The following SH2D1B variants were observed in gnomAD, a reference collection of about 807,000 sequenced individuals.
SH2D1B encodes SH2 domain containing 1B.
SH2D1B carries 11 observed loss-of-function variants against 16.3 expected under a neutral mutation model. The ratio of observed to expected loss-of-function variants is 0.67; its 90% CI spans 0.42 to 1.11. The LOEUF (loss-of-function observed/expected upper bound fraction) is 1.11, where lower values mean the gene tolerates loss of function less well. Among genes scored for constraint, SH2D1B ranks in the 50% most tolerant of loss-of-function variants. The pLI is 0.00. For synonymous variants in SH2D1B, 55 were observed against 56.1 expected, an observed-to-expected ratio of 0.98 and a Z score of 0.09; for missense variants, 123 against 153.1, an observed-to-expected ratio of 0.80 and a Z score of 1.04.
intron 1 of SH2D1B, among the ~76,000 whole-genome samples, 177 bp downstream of exon 1, chr1:162,411,706 A>G (rs141998507): frequency 2.0e-5 from 3 of 152,262 alleles, no homozygotes; most frequent in African/African-American, 7.2e-5. Flanking sequence ...GAGCAGGCAG[A>G]TGGAGGAGCA....
At chr1:162,401,505 G>T (rs1648517100) in intron 2 of SH2D1B, among the ~76,000 whole-genome samples, 1 of 151,848 alleles carries the variant, frequency 6.6e-6, no homozygotes, top group Non-Finnish European at 1.5e-5. Context: ...CATATATTGT[G>T]CATGTATATA....
intron 1 of SH2D1B, among the ~76,000 whole-genome samples, chr1:162,407,056 T>G (rs1003025025): frequency 6.6e-6 from 1 of 152,244 alleles, no homozygotes; most frequent in Non-Finnish European, 1.5e-5. Flanking sequence ...CATATGCTGC[T>G]AGGTCAGCTC....
At chr1:162,398,282 T>G (rs1648427581) in intron 3 of SH2D1B, among the ~76,000 whole-genome samples, 1 of 152,188 alleles carries the variant, frequency 6.6e-6, no homozygotes, top group Non-Finnish European at 1.5e-5. Flanking sequence ...AAAACAGGAT[T>G]AAGACCTAAG....
chr1:162,403,126 A>G (rs1323823672), intron 1 of SH2D1B, among the ~76,000 whole-genome samples: 1 of 152,124 alleles, frequency 6.6e-6, no homozygotes, highest in Non-Finnish European at 1.5e-5. Flanking sequence ...AAACCCTTGT[A>G]CAATGCTGAT....
chr1:162,398,725 G>T (rs1033108387), intron 3 of SH2D1B, among the ~76,000 whole-genome samples, 198 bp downstream of exon 3: 1 of 152,164 alleles, frequency 6.6e-6, no homozygotes, highest in Non-Finnish European at 1.5e-5. Flanking sequence ...GGCTGCAAAC[G>T]CAGCAAGCTC....
At chr1:162,409,363 A>G (rs996096418) in intron 1 of SH2D1B, among the ~76,000 whole-genome samples, 2 of 152,124 alleles carry the variant, frequency 1.3e-5, no homozygotes, top group African/African-American at 4.8e-5. Flanking sequence ...CTGCTCAGAA[A>G]CCATCCATGT....
At chr1:162,411,408 G>A (rs1261787668) in intron 1 of SH2D1B, among the ~76,000 whole-genome samples, 1 of 152,192 alleles carries the variant, frequency 6.6e-6, no homozygotes, top group Non-Finnish European at 1.5e-5. Context: ...AGGAAATGAC[G>A]AATATTGAAG....
At position 162,402,746 on chromosome 1, in the gene SH2D1B, C is replaced by T; in HGVS notation, c.191G>A (p.Arg64Lys). 4 of 1,613,406 alleles carry T rather than the reference C, an allele frequency of 2.5e-6. No homozygotes were observed. The highest frequency in any genetic ancestry group is 1.7e-5 in the Admixed American group (1 of 60,002). ...RIFREKHGYYRIQTAEGSPKQ... is the reference protein window; with the variant it reads ...RIFREKHGYYKIQTAEGSPKQ... ...CGTCCTTTTTGTTCTTACCTGTATC[C>T]TGTAATACCCGTGTTTCTCTCTGAA... The change falls in exon 2 of 4, where the codon AGG becomes AAG. Residue 64 changes from arginine (R) to lysine (K), a missense_variant. Physicochemically the swap from Arg to Lys is conservative, Grantham distance 26 (BLOSUM62 2). Coordinates refer to ENST00000367929, the MANE Select transcript of SH2D1B (RefSeq NM_053282.5).
At chr1:162,405,332 T>C (rs1648627952) in intron 1 of SH2D1B, among the ~76,000 whole-genome samples, 1 of 152,198 alleles carries the variant, frequency 6.6e-6, no homozygotes, top group Admixed American at 6.5e-5. Context: ...AGGTGATAAA[T>C]ATGTTCATTA....
At chr1:162,407,312 C>T (rs1489245620) in intron 1 of SH2D1B, among the ~76,000 whole-genome samples, 2 of 152,192 alleles carry the variant, frequency 1.3e-5, no homozygotes, top group African/African-American at 2.4e-5. Context: ...GAAGGGGACA[C>T]TGCATATCAG....
rs1349698895 is a variant in SH2D1B at position 162,397,262 on chromosome 1, T to C, written c.*18A>G. The C allele has an allele frequency of 1.9e-6, 3 of 1,613,804 alleles. No individual in the cohort carries two copies. Among genetic ancestry groups the C allele is most frequent in the Non-Finnish European group, 2.5e-6 (3 of 1,179,808 alleles). On this transcript the variant is annotated 3_prime_UTR_variant, in exon 4 of 4. Coordinates refer to ENST00000367929, the MANE Select transcript of SH2D1B (RefSeq NM_053282.5). ...TGTTACTCATCTCTTCAACTTGCTT[T>C]GTCCGGCAGCCTTATCTTCAAGGCA...
chr1:162,398,650 T>C (rs1392754498), intron 3 of SH2D1B, among the ~76,000 whole-genome samples: 1 of 152,180 alleles, frequency 6.6e-6, no homozygotes, highest in African/African-American at 2.4e-5. Flanking sequence ...ACTTGAATCG[T>C]CTGCACAAGG....
At chr1:162,402,517 A>G (rs7551126) in intron 2 of SH2D1B, 10 of 415,738 alleles carry the variant, frequency 2.4e-5, no homozygotes, top group Non-Finnish European at 3.9e-5. Context: ...GACTCCGTCT[A>G]AAAAAAACAA....
intron 1 of SH2D1B, among the ~76,000 whole-genome samples, chr1:162,403,739 CACAA>C (rs1648587867): frequency 8.1e-6 from 1 of 123,672 alleles, no homozygotes; most frequent in Admixed American, 8.3e-5. Flanking sequence ...CACACACACA[CACAA>C]TGGAATATTA....
At chr1:162,410,656 CTT>C (rs66614229) in intron 1 of SH2D1B, among the ~76,000 whole-genome samples, 46 of 129,928 alleles carry the variant, frequency 3.5e-4, no homozygotes, top group South Asian at 1.5e-3. Flanking sequence ...TTTTCTTTTT[CTT>C]TTTTTTTTTT....
At chr1:162,408,260 C>T (rs944450888) in intron 1 of SH2D1B, among the ~76,000 whole-genome samples, 2 of 152,172 alleles carry the variant, frequency 1.3e-5, no homozygotes, top group African/African-American at 4.8e-5. Flanking sequence ...TGACCTAAGC[C>T]TTAAGCCTGA....
At chr1:162,402,656 C>T (rs1405035047) in intron 2 of SH2D1B, 83 bp downstream of exon 2, 8 of 1,178,822 alleles carry the variant, frequency 6.8e-6, no homozygotes, top group African/African-American at 1.5e-5. Context: ...TTCGCACAGT[C>T]ATGGCTCAGG....
Position 162,395,467 on chromosome 1 carries a change from C to T in SH2D1B, c.*1813G>A, listed in dbSNP as rs1648352049. The T allele has an allele frequency of 6.6e-6, 1 of 152,162 alleles. No individual in the cohort carries two copies. The highest frequency in any genetic ancestry group is 2.1e-4 in the South Asian group (1 of 4,830). The allele number at this position is 152,162 out of a possible 1,614,324, so 9.4% of individuals were successfully genotyped here. A position where few individuals can be genotyped will look rare whatever the true frequency, so the allele number is the denominator to read the frequency against. ...TAAATAAAGAAAATTTCTAAGCATT[C>T]CCTGTAATACTGGGAACAGTGTAAG... On this transcript the variant is annotated 3_prime_UTR_variant, in exon 4 of 4. Transcript: ENST00000367929.
chr1:162,406,168 A>T (rs188300142), intron 1 of SH2D1B, among the ~76,000 whole-genome samples: 1 of 152,314 alleles, frequency 6.6e-6, no homozygotes, highest in African/African-American at 2.4e-5. Flanking sequence ...TTGTGGTACT[A>T]ATTTTTCAGT....
Sources: gnomAD v4.1 joint callset for allele counts (sites outside exome capture counted in the v4.1 genomes callset) on GRCh38, gnomAD v4.1.1 for gene constraint, MANE v1.5 for transcripts, NCBI Gene and HGNC (gene_info 2026-07-23, HGNC 2026-07-21) for gene names.